DNAAF4: variants seen among roughly 807,000 people sequenced by gnomAD.
DNAAF4 encodes the protein dynein axonemal assembly factor 4, also known as dynein assembly factor 4, axonemal.
A neutral mutation model predicts 51.8 loss-of-function variants in DNAAF4; 43 were observed. The ratio of observed to expected loss-of-function variants is 0.83; its 90% CI spans 0.65 to 1.07. DNAAF4 has a LOEUF of 1.07. Among genes scored for constraint, DNAAF4 ranks in the 50% least tolerant of loss-of-function variants. DNAAF4 has a pLI of 0.00. For missense variants in DNAAF4, 581 were observed against 493.0 expected (o/e 1.18, Z -1.69); for synonymous variants, 194 against 165.6 (o/e 1.17, Z -1.32).
Position 55,437,344 on chromosome 15 carries a change from A to C in DNAAF4, c.893+2128T>G, listed in dbSNP as rs531897609. 1.6e-4 allele frequency among the ~76,000 whole-genome samples: 24 copies of C among 152,320 alleles called. 1 individual carries two copies. Among genetic ancestry groups the C allele is most frequent in the Middle Eastern group, 3.4e-3 (1 of 294 alleles). On this transcript the variant is annotated intron_variant, in intron 7 of 9. Transcript: ENST00000321149. ...TGGTTTTACTCTTGGGAGTTAGAAG[A>C]ACCAACCTGTCAGTTCCAGGCTTCT...
intron 7 of DNAAF4, among the ~76,000 whole-genome samples, chr15:55,436,301 A>G (rs916143997): frequency 2.6e-5 from 4 of 152,140 alleles, no homozygotes; most frequent in African/African-American, 7.2e-5. Context: ...AGTGATGTTA[A>G]ACATCTTTTT....
At position 55,439,505 on chromosome 15, in the gene DNAAF4, T is replaced by G. The variant is rs772051086; in HGVS notation, c.860A>C (p.Glu287Ala). 2 of 1,614,106 alleles carry G rather than the reference T, an allele frequency of 1.2e-6. No homozygotes were observed. Among genetic ancestry groups the G allele is most frequent in the East Asian group, 4.5e-5 (2 of 44,872 alleles). ...ATCCTTCAACCATTCTGGGTTCTTTTCTTCTTCTTTTAAATCGCAAAGTTC... is the reference window on the plus strand; with the variant it reads ...ATCCTTCAACCATTCTGGGTTCTTTGCTTCTTCTTTTAAATCGCAAAGTTC... ...IAELCDLKEE[E>A]KNPEWLKDKG... The change falls in exon 7 of 10, where the codon GAA (glutamate) becomes GCA (alanine). Residue 287 changes from glutamate to alanine, a missense_variant. Physicochemically the swap from Glu to Ala is moderately radical, Grantham distance 107 (BLOSUM62 -1). Transcript: ENST00000321149.
intron 4 of DNAAF4, among the ~76,000 whole-genome samples, chr15:55,489,082 C>T (rs2058532845): frequency 6.7e-6 from 1 of 148,288 alleles, no homozygotes; most frequent in African/African-American, 2.6e-5. Flanking sequence ...AAGCAAGACT[C>T]CATCTCAAAA....
At chr15:55,443,525 T>C (rs1213851029) in intron 6 of DNAAF4, among the ~76,000 whole-genome samples, 1 of 152,262 alleles carries the variant, frequency 6.6e-6, no homozygotes, top group Non-Finnish European at 1.5e-5. Context: ...CATGTGTCTT[T>C]ATAGCAGCAT....
intron 1 of DNAAF4, among the ~76,000 whole-genome samples, chr15:55,501,461 C>T (rs1430807044): frequency 7.3e-5 from 11 of 150,866 alleles, no homozygotes; most frequent in African/African-American, 2.2e-4. Flanking sequence ...CTGCAAGCTC[C>T]GCCTCCTGGG....
Position 55,469,653 on chromosome 15 carries a change from AT to A in DNAAF4, c.406-2493del, listed in dbSNP as rs542701906. 2.4e-4 allele frequency among the ~76,000 whole-genome samples: 35 copies of A among 144,868 alleles called. No individual in the cohort carries two copies. The South Asian group carries it at 2.7e-3, about 11-fold the overall frequency. ...GTCTGCCACCACACCTGGCTAATTT[AT>A]TTTTTTTTTATATTTTTAGTAGAGA... On this transcript the variant is annotated intron_variant, in intron 4 of 9. Transcript: ENST00000321149.
At chr15:55,467,643 ACC>A (rs1466021783) in intron 4 of DNAAF4, among the ~76,000 whole-genome samples, 2 of 152,032 alleles carry the variant, frequency 1.3e-5, no homozygotes, top group African/African-American at 4.8e-5. Context: ...AGTTGTGCCA[ACC>A]CTTCAGTCCT....
At chr15:55,461,125 G>T (rs561907411) in intron 5 of DNAAF4, among the ~76,000 whole-genome samples, 1 of 151,362 alleles carries the variant, frequency 6.6e-6, no homozygotes, top group South Asian at 2.1e-4. Flanking sequence ...CTGGAGTGCA[G>T]TGGTGCAGTC....
At chr15:55,442,743 T>A (rs1422018018) in intron 6 of DNAAF4, 1 of 1,578,970 alleles carries the variant, frequency 6.3e-7, no homozygotes, top group Non-Finnish European at 8.7e-7. Flanking sequence ...ATTTCTTTCC[T>A]TCAACTTTAT....
Position 55,430,432 on chromosome 15 carries a change from T to A in DNAAF4, c.*238A>T, listed in dbSNP as rs76644582. The A allele has an allele frequency of 9.9e-7, 1 of 1,007,742 alleles. No individual in the cohort carries two copies. The highest frequency in any genetic ancestry group is 1.2e-6 in the Non-Finnish European group (1 of 831,018). The allele number at this position is 1,007,742 out of a possible 1,614,324, so 62.4% of individuals were successfully genotyped here. ...CTTAATTCAGTAACACAAAAAAGTA[T>A]ACATATGTATTAATATGAAGAAATA... is the stretch of plus-strand genomic sequence containing the variant. On this transcript the variant is annotated 3_prime_UTR_variant, in exon 10 of 10. Transcript: ENST00000321149.
In DNAAF4 at chr15:55,466,916, C is replaced by G. The variant is rs759280683; in HGVS notation, c.637+14G>C. 2.5e-6 allele frequency: 4 copies of G among 1,581,032 alleles called. No individual in the cohort carries two copies. Among genetic ancestry groups the G allele is most frequent in the Non-Finnish European group, 2.6e-6 (3 of 1,172,474 alleles). ...AACAGGACTCACTACTCAAGAAATTCTTAATCATTTTACCTTTTGGAGCAA... is the reference window on the plus strand; with the variant it reads ...AACAGGACTCACTACTCAAGAAATTGTTAATCATTTTACCTTTTGGAGCAA... On this transcript the variant is annotated intron_variant, in intron 5 of 9. Transcript: ENST00000321149.
intron 4 of DNAAF4, among the ~76,000 whole-genome samples, chr15:55,469,960 A>G (rs1006249104): frequency 1.3e-5 from 2 of 152,140 alleles, no homozygotes; most frequent in South Asian, 4.1e-4. Flanking sequence ...CCAATCAGCT[A>G]TAAGTTGGGG....
chr15:55,456,975 T>G (rs2058029590), intron 5 of DNAAF4, among the ~76,000 whole-genome samples: 1 of 152,076 alleles, frequency 6.6e-6, no homozygotes, highest in African/African-American at 2.4e-5. Flanking sequence ...GAAGGAAGCT[T>G]GTAGCTGAAC....
chr15:55,435,369 A>T (rs1321546467), intron 7 of DNAAF4, among the ~76,000 whole-genome samples: 1 of 152,202 alleles, frequency 6.6e-6, no homozygotes, highest in Non-Finnish European at 1.5e-5. Flanking sequence ...CTTAGGATGA[A>T]GCCTGTGGGT....
At chr15:55,476,738 A>G (rs1324316100) in intron 4 of DNAAF4, among the ~76,000 whole-genome samples, 1 of 152,246 alleles carries the variant, frequency 6.6e-6, no homozygotes, top group Non-Finnish European at 1.5e-5. Context: ...ACTTACATGA[A>G]GTAAAATAAG....
At position 55,505,665 on chromosome 15, in the gene DNAAF4, G is replaced by T. The variant is rs189043047; in HGVS notation, c.-256+2457C>A. Among the ~76,000 whole-genome samples the T allele has an allele frequency of 3.9e-5, 6 of 152,110 alleles. No individual in the cohort carries two copies. In the East Asian group the frequency reaches 1.2e-3, roughly 29 times the overall value. The stretch of plus-strand genomic sequence containing the variant: ...ATCACTCTCAGCAAAATAGCACAAG[G>T]GCAGAAAACCAAACACCACGTGTTC... On this transcript the variant is annotated intron_variant, in intron 1 of 9. Coordinates refer to ENST00000321149, the MANE Select transcript of DNAAF4 (RefSeq NM_130810.4).
intron 4 of DNAAF4, among the ~76,000 whole-genome samples, chr15:55,483,404 C>G (rs1191932999): frequency 1.3e-5 from 2 of 151,310 alleles, no homozygotes; most frequent in Non-Finnish European, 3.0e-5. Context: ...CAATAGGTCT[C>G]TTTTTATGGT....
chr15:55,448,404 T>C (rs997601414), intron 6 of DNAAF4, among the ~76,000 whole-genome samples: 2 of 148,344 alleles, frequency 1.3e-5, no homozygotes, highest in African/African-American at 2.5e-5. Context: ...CTGAAAAATA[T>C]GCAGAAGGTC....
At chr15:55,504,293 C>T (rs192230865) in intron 1 of DNAAF4, among the ~76,000 whole-genome samples, 67 of 152,300 alleles carry the variant, frequency 4.4e-4, no homozygotes, top group African/African-American at 1.5e-3. Flanking sequence ...AATGGAAGAC[C>T]ATTCCATGCT....
Sources: allele counts gnomAD v4.1 joint callset (sites outside exome capture counted in the v4.1 genomes callset), GRCh38; gene constraint gnomAD v4.1.1; transcripts MANE v1.5; gene names NCBI Gene and HGNC (gene_info 2026-07-23, HGNC 2026-07-21).